CCDC172: variants seen among roughly 807,000 people sequenced by gnomAD.
CCDC172 encodes the protein coiled-coil domain-containing protein 172.
Under a neutral mutation model 38.0 loss-of-function variants are expected in CCDC172, and 30 were observed. The observed-to-expected ratio is 0.79, with a 90% confidence interval of 0.59 to 1.07. The LOEUF (loss-of-function observed/expected upper bound fraction) is 1.07. Ranked by LOEUF, CCDC172 falls within the 50% of genes least tolerant of loss-of-function variation. The pLI is 0.00. For missense variants in CCDC172, 297 were observed against 290.1 expected, an observed-to-expected ratio of 1.02 and a Z score of -0.17; for synonymous variants, 78 against 88.3, an observed-to-expected ratio of 0.88 and a Z score of 0.66.
chr10:116,351,507 G>C (rs1692374052), intron 5 of CCDC172, among the ~76,000 whole-genome samples: 1 of 152,070 alleles, frequency 6.6e-6, no homozygotes, highest in South Asian at 2.1e-4. Flanking sequence ...TCAGAAATTG[G>C]GATTTAAAGA....
chr10:116,353,751 C>T (rs958300303), intron 5 of CCDC172, among the ~76,000 whole-genome samples: 1 of 151,912 alleles, frequency 6.6e-6, no homozygotes, highest in African/African-American at 2.4e-5. Context: ...TACAAATGTA[C>T]GATGTATTTT....
chr10:116,325,807 C>T (rs1192181969), intron 3 of CCDC172, among the ~76,000 whole-genome samples: 12 of 152,190 alleles, frequency 7.9e-5, no homozygotes, highest in Admixed American at 7.9e-4. Context: ...TTAAAAGTCT[C>T]TACCACATTT....
intron 7 of CCDC172, among the ~76,000 whole-genome samples, chr10:116,358,571 T>A (rs2134951846): frequency 6.6e-6 from 1 of 152,272 alleles, no homozygotes; most frequent in African/African-American, 2.4e-5. Flanking sequence ...AAAAGAAACC[T>A]CATTACTGGA....
At chr10:116,338,673 A>T (rs555338115) in intron 3 of CCDC172, among the ~76,000 whole-genome samples, 67 of 152,242 alleles carry the variant, frequency 4.4e-4, no homozygotes, top group African/African-American at 1.5e-3. Context: ...CCCTTTTAAG[A>T]AAGAAGACGT....
At chr10:116,367,153 G>A (rs1845132316) in intron 7 of CCDC172, among the ~76,000 whole-genome samples, 1 of 152,002 alleles carries the variant, frequency 6.6e-6, no homozygotes, top group Non-Finnish European at 1.5e-5. Flanking sequence ...TCCTACTTTT[G>A]CTGTGGTTGA....
chr10:116,348,114 C>T (rs1040405940), intron 5 of CCDC172, among the ~76,000 whole-genome samples: 11 of 151,368 alleles, frequency 7.3e-5, no homozygotes, highest in African/African-American at 2.2e-4. Flanking sequence ...GAAAAATGTA[C>T]GTACTATAAT....
intron 5 of CCDC172, among the ~76,000 whole-genome samples, chr10:116,351,696 C>CT (rs2134939702): frequency 1.3e-5 from 2 of 152,274 alleles, no homozygotes; most frequent in East Asian, 3.9e-4. Context: ...TGAGAAACTA[C>CT]TTTTAGATAT....
rs375257343 is a variant in CCDC172 at position 116,360,595 on chromosome 10, C to G, written c.653+2657C>G. On this transcript the variant is annotated intron_variant, in intron 7 of 8. Transcript: ENST00000333254. ...TTACAAGTTTAATCATGCTGACCTC[C>G]CCTTAGTCCCTCATTCCCTTATCCT... 3.3e-5 allele frequency among the ~76,000 whole-genome samples: 5 copies of G among 152,212 alleles called. No homozygotes were observed. In the East Asian group the frequency reaches 5.8e-4, roughly 18 times the overall value.
intron 7 of CCDC172, among the ~76,000 whole-genome samples, chr10:116,367,659 T>C (rs1333512711): frequency 1.3e-5 from 2 of 151,780 alleles, no homozygotes; most frequent in Non-Finnish European, 2.9e-5. Flanking sequence ...AGACTCTGTC[T>C]CAAAAAGAAA....
chr10:116,361,675 T>C (rs920000292), intron 7 of CCDC172, among the ~76,000 whole-genome samples: 2 of 152,174 alleles, frequency 1.3e-5, no homozygotes, highest in Non-Finnish European at 1.5e-5. Context: ...AATATACACC[T>C]GCTACGAGAG....
chr10:116,340,283 T>C (rs1844775965), intron 3 of CCDC172, among the ~76,000 whole-genome samples: 1 of 151,924 alleles, frequency 6.6e-6, no homozygotes, highest in Non-Finnish European at 1.5e-5. Context: ...GGTTTTTGCC[T>C]CTGCTTTGCA....
intron 7 of CCDC172, among the ~76,000 whole-genome samples, chr10:116,372,075 G>A (rs10885920): frequency 0.97 from 147,311 of 152,150 alleles, 71,399 homozygotes; most frequent in East Asian, 1. Context: ...GCATTGGTGT[G>A]GGCTTCAGAG....
chr10:116,340,690 C>A, intron 3 of CCDC172, 44 bp from the exon 4 acceptor site: 3 of 944,042 alleles, frequency 3.2e-6, no homozygotes, highest in South Asian at 2.8e-5. Flanking sequence ...TCTAAAATGT[C>A]TAATTAATTG....
chr10:116,362,553 T>C (rs7904287), intron 7 of CCDC172, among the ~76,000 whole-genome samples: 1,803 of 152,342 alleles, frequency 0.012, 40 homozygotes, highest in African/African-American at 0.041. Context: ...TATGAATTGT[T>C]ACCCAGGTTC....
intron 7 of CCDC172, among the ~76,000 whole-genome samples, chr10:116,363,797 G>C (rs1027935880): frequency 1.3e-5 from 2 of 151,822 alleles, no homozygotes; most frequent in Non-Finnish European, 2.9e-5. Context: ...ATTAGCTGGG[G>C]GTGGATGCCT....
intron 5 of CCDC172, among the ~76,000 whole-genome samples, chr10:116,349,062 C>G (rs912011883): frequency 3.3e-5 from 5 of 152,124 alleles, no homozygotes; most frequent in African/African-American, 1.2e-4. Flanking sequence ...GATTCTCGAA[C>G]ATAAACCCTC....
intron 5 of CCDC172, among the ~76,000 whole-genome samples, chr10:116,352,941 C>G (rs971290620): frequency 6.6e-6 from 1 of 152,052 alleles, no homozygotes; most frequent in Non-Finnish European, 1.5e-5. Flanking sequence ...TGCCTGTAAT[C>G]CCAGTACTTT....
intron 7 of CCDC172, among the ~76,000 whole-genome samples, chr10:116,364,617 G>T (rs1845101236): frequency 1.3e-5 from 2 of 152,030 alleles, no homozygotes; most frequent in South Asian, 4.1e-4. Context: ...CTCTTAAATA[G>T]TATTAATTGG....
At chr10:116,350,217 G>T (rs947657511) in intron 5 of CCDC172, among the ~76,000 whole-genome samples, 1 of 152,188 alleles carries the variant, frequency 6.6e-6, no homozygotes, top group Admixed American at 6.5e-5. Context: ...TCTCACATTT[G>T]AATAGGATTA....
Sources: gnomAD v4.1 joint callset for allele counts (sites outside exome capture counted in the v4.1 genomes callset) on GRCh38, gnomAD v4.1.1 for gene constraint, MANE v1.5 for transcripts, NCBI Gene and HGNC (gene_info 2026-07-23, HGNC 2026-07-21) for gene names.